RYK: variants seen among roughly 807,000 people sequenced by gnomAD.
The protein encoded by RYK is receptor like tyrosine kinase, also known as inactive tyrosine-protein kinase RYK.
RYK carries 21 observed loss-of-function variants against 70.2 expected under a neutral mutation model. The observed-to-expected ratio is 0.30, with a 90% confidence interval of 0.21 to 0.43. RYK has a LOEUF of 0.43. Ranked by LOEUF, RYK falls within the 20% of genes least tolerant of loss-of-function variation. The pLI, the probability that RYK is intolerant of heterozygous loss-of-function variation, is 1.00. For missense variants in RYK, 604 were observed against 753.3 expected (o/e 0.80, Z 2.32); for synonymous variants, 267 against 278.0 (o/e 0.96, Z 0.39).
At chr3:134,227,076 T>C (rs192936698) in intron 1 of RYK, among the ~76,000 whole-genome samples, 22 of 152,260 alleles carry the variant, frequency 1.4e-4, no homozygotes, top group Non-Finnish European at 2.9e-4. Flanking sequence ...AACCAACTAG[T>C]GAATTTAGCA....
In RYK at chr3:134,211,545, G is replaced by A. The variant is rs1282534346; in HGVS notation, c.417C>T (p.Asn139=). 12 of 1,613,678 alleles carry A rather than the reference G, an allele frequency of 7.4e-6. No homozygotes were observed. The highest frequency in any genetic ancestry group is 1.0e-5 in the Non-Finnish European group (12 of 1,179,704). ...GTGGAACTTCCCCCTGAACAGAAAT[G>A]TTGACCTGGGGCATATCCATTGCCA... ...NVLAMDMPQV[N]ISVQGEVPRT... is the part of the protein sequence containing the mutation. The change falls in exon 3 of 15, where the codon AAC becomes AAT. Residue 139 remains asparagine, a synonymous_variant. Coordinates refer to ENST00000623711, the MANE Select transcript of RYK (RefSeq NM_002958.4).
Position 134,158,039 on chromosome 3 carries a change from C to T in RYK, c.*114G>A. On this transcript the variant is annotated 3_prime_UTR_variant, in exon 15 of 15. Coordinates refer to ENST00000623711, the MANE Select transcript of RYK (RefSeq NM_002958.4). Reference sequence around the variant, plus strand: ...TAAAGCATTTCTAAGGCACGGTGTTCTGGAAGACAAATGTGCTTCTGTTGG... The same window carrying T: ...TAAAGCATTTCTAAGGCACGGTGTTTTGGAAGACAAATGTGCTTCTGTTGG... 2.2e-6 allele frequency: 1 copy of T among 451,482 alleles called. No individual in the cohort carries two copies. Among genetic ancestry groups the T allele is most frequent in the Non-Finnish European group, 3.8e-6 (1 of 264,606 alleles). 28.0% of individuals were successfully genotyped at this position (451,482 alleles called of 1,614,324 possible).
intron 9 of RYK, 92 bp from the exon 10 acceptor site, chr3:134,183,163 A>G: frequency 1.5e-6 from 1 of 674,006 alleles, no homozygotes; most frequent in Non-Finnish European, 2.4e-6. Flanking sequence ...ATCTTGAACT[A>G]TAAGGTACAT....
intron 4 of RYK, among the ~76,000 whole-genome samples, chr3:134,209,136 C>A (rs1197806457): frequency 6.6e-6 from 1 of 152,168 alleles, no homozygotes; most frequent in Non-Finnish European, 1.5e-5. Context: ...AAAGAACTAA[C>A]TTTGCTAAGT....
chr3:134,192,581 C>A (rs13080318), intron 7 of RYK, among the ~76,000 whole-genome samples: 1 of 151,844 alleles, frequency 6.6e-6, no homozygotes, highest in Non-Finnish European at 1.5e-5. Context: ...CCCTTAATTC[C>A]CATTCATTCT....
At chr3:134,212,066 A>C (rs1933002683) in intron 2 of RYK, among the ~76,000 whole-genome samples, 1 of 152,190 alleles carries the variant, frequency 6.6e-6, no homozygotes, top group South Asian at 2.1e-4. Context: ...CTCACACAAT[A>C]AGCAGATTCC....
intron 2 of RYK, among the ~76,000 whole-genome samples, chr3:134,211,878 AGAACTATGCAGCACT>A (rs2014408311): frequency 6.6e-6 from 1 of 152,228 alleles, no homozygotes; most frequent in African/African-American, 2.4e-5. Context: ...AATCCTGCTG[AGAACTATGCAGCACT>A]GACAGAGAGG....
At chr3:134,165,498 G>A (rs2012633241) in intron 13 of RYK, among the ~76,000 whole-genome samples, 2 of 152,140 alleles carry the variant, frequency 1.3e-5, no homozygotes, top group African/African-American at 4.8e-5. Context: ...TTCTGTAGAC[G>A]CCCTTTACCA....
At chr3:134,216,667 C>T (rs1414516844) in intron 2 of RYK, among the ~76,000 whole-genome samples, 1 of 151,500 alleles carries the variant, frequency 6.6e-6, no homozygotes, top group East Asian at 1.9e-4. Flanking sequence ...GTAGCGGGCG[C>T]CTGTTGACCC....
chr3:134,179,619 C>T (rs1460091094), intron 10 of RYK: 1 of 152,172 alleles, frequency 6.6e-6, no homozygotes, highest in African/African-American at 2.4e-5. Flanking sequence ...CTTTGCATTC[C>T]CCTGGACCAC....
At chr3:134,167,744 C>T (rs961020081) in intron 13 of RYK, among the ~76,000 whole-genome samples, 3 of 152,176 alleles carry the variant, frequency 2.0e-5, no homozygotes, top group African/African-American at 7.2e-5. Flanking sequence ...ACACCAAAAG[C>T]AATGGCAACA....
Position 134,197,708 on chromosome 3 carries a change from A to G in RYK, c.789-2526T>C, listed in dbSNP as rs537451909. 7.9e-5 allele frequency among the ~76,000 whole-genome samples: 12 copies of G among 152,312 alleles called. No individual in the cohort carries two copies. In the East Asian group the frequency reaches 2.3e-3, roughly 29 times the overall value. ...ATTACCATCCTCAAAAGGGGAGGAA[A>G]TAAATGGGATTAAGATAATCTACCT... On this transcript the variant is annotated intron_variant, in intron 6 of 14. Transcript: ENST00000623711.
At chr3:134,216,264 G>T (rs1488762457) in intron 2 of RYK, among the ~76,000 whole-genome samples, 1 of 152,074 alleles carries the variant, frequency 6.6e-6, no homozygotes, top group African/African-American at 2.4e-5. Flanking sequence ...CAGCCAAATA[G>T]CCTTTTAATT....
chr3:134,207,702 C>G (rs2014257699), intron 4 of RYK, among the ~76,000 whole-genome samples, 177 bp from the exon 5 acceptor site: 1 of 152,078 alleles, frequency 6.6e-6, no homozygotes, highest in African/African-American at 2.4e-5. Context: ...TAGTCTATAC[C>G]ACTGTTAGCC....
At chr3:134,238,269 T>C (rs1419688563) in intron 1 of RYK, among the ~76,000 whole-genome samples, 1 of 152,210 alleles carries the variant, frequency 6.6e-6, no homozygotes, top group East Asian at 1.9e-4. Flanking sequence ...GGATTAAATA[T>C]GATTTTTCGT....
Position 134,241,693 on chromosome 3 carries a change from C to CT in RYK, c.232+8729dup, listed in dbSNP as rs549166716. The stretch of plus-strand genomic sequence containing the variant: ...CTTCTCAGATGATTTTGGTTAAAGA[C>CT]TAAGTCAACTGTCAACCTTCAAAGG... On this transcript the variant is annotated intron_variant, in intron 1 of 14. Coordinates refer to ENST00000623711, the MANE Select transcript of RYK (RefSeq NM_002958.4). 2.2e-4 allele frequency among the ~76,000 whole-genome samples: 34 copies of CT among 152,304 alleles called. No homozygotes were observed. The South Asian group carries it at 6.6e-3, about 30-fold the overall frequency.
chr3:134,206,519 A>G lies in RYK; in HGVS notation c.643+953T>C, dbSNP rs558212589. Among the ~76,000 whole-genome samples the G allele has an allele frequency of 1.2e-3, 181 of 152,318 alleles. 2 individuals are homozygous for G. The highest frequency in any genetic ancestry group is 4.2e-3 in the South Asian group (20 of 4,818). On this transcript the variant is annotated intron_variant, in intron 5 of 14. Coordinates refer to ENST00000623711, the MANE Select transcript of RYK (RefSeq NM_002958.4). Reference sequence around the variant, plus strand: ...TTGGATCTTGATTCAGGAGGAAAAAAAGACATTTTAAAGACAATCGGGTTA... The same window carrying G: ...TTGGATCTTGATTCAGGAGGAAAAAGAGACATTTTAAAGACAATCGGGTTA...
At chr3:134,212,774 G>A (rs534447985) in intron 2 of RYK, among the ~76,000 whole-genome samples, 12 of 152,226 alleles carry the variant, frequency 7.9e-5, no homozygotes, top group East Asian at 5.8e-4. Flanking sequence ...TGGCCCTTAC[G>A]CTTGGGCTAA....
chr3:134,162,163 C>T (rs75439201), intron 13 of RYK, among the ~76,000 whole-genome samples: 6,984 of 151,798 alleles, frequency 0.046, 198 homozygotes, highest in East Asian at 0.13. Context: ...CTCATCTTAA[C>T]GTTACATCTG....
Sources: gnomAD v4.1 joint callset for allele counts (sites outside exome capture counted in the v4.1 genomes callset) on GRCh38, gnomAD v4.1.1 for gene constraint, MANE v1.5 for transcripts, NCBI Gene and HGNC (gene_info 2026-07-23, HGNC 2026-07-21) for gene names.